The following HS3ST4 variants were observed in gnomAD, a reference collection of about 807,000 sequenced individuals.
The protein encoded by HS3ST4 is heparan sulfate-glucosamine 3-sulfotransferase 4.
In HS3ST4, 17 loss-of-function variants were observed where a neutral mutation model predicts 29.2. The observed-to-expected ratio is 0.58, with a 90% confidence interval of 0.40 to 0.87. The LOEUF (loss-of-function observed/expected upper bound fraction) is 0.87. Ranked by LOEUF, HS3ST4 falls within the 40% of genes least tolerant of loss-of-function variation. The pLI is 0.00. For synonymous variants in HS3ST4, 314 were observed against 285.7 expected, an observed-to-expected ratio of 1.10 and a Z score of -1.00; for missense variants, 627 against 634.5, an observed-to-expected ratio of 0.99 and a Z score of 0.13.
chr16:25,950,746 A>G (rs140574909), intron 1 of HS3ST4, among the ~76,000 whole-genome samples: 64 of 152,264 alleles, frequency 4.2e-4, no homozygotes, highest in African/African-American at 1.4e-3. Context: ...AGACTTGCAC[A>G]GCATGTTGCA....
chr16:25,764,857 T>A (rs1966807943), intron 1 of HS3ST4, among the ~76,000 whole-genome samples: 2 of 152,228 alleles, frequency 1.3e-5, no homozygotes, highest in African/African-American at 4.8e-5. Context: ...CAGAAAATAA[T>A]TCAGCTCAGT....
chr16:25,693,158 C>A lies in HS3ST4; in HGVS notation c.734+7C>A, dbSNP rs1224111437. ...AGGGGTTGGAGTGGTACAGGTAGGA[C>A]CCTGGGCTCCGCGGGCTGGTGGAGA... On this transcript the variant is annotated splice_region_variant and intron_variant, in intron 1 of 1. Transcript: ENST00000331351. The A allele has an allele frequency of 1.3e-5, 20 of 1,565,182 alleles. No homozygotes were observed. The highest frequency in any genetic ancestry group is 1.7e-5 in the Non-Finnish European group (20 of 1,157,150).
intron 1 of HS3ST4, among the ~76,000 whole-genome samples, chr16:26,119,219 C>T (rs1350759141): frequency 6.6e-6 from 1 of 152,174 alleles, no homozygotes; most frequent in African/African-American, 2.4e-5. Context: ...TCTCAGCTAG[C>T]ATGGGCTGTT....
intron 1 of HS3ST4, among the ~76,000 whole-genome samples, chr16:25,699,410 C>T (rs1194741115): frequency 1.3e-5 from 2 of 152,218 alleles, no homozygotes; most frequent in African/African-American, 4.8e-5. Context: ...TCTCAATTAA[C>T]GTTCTCTTGA....
intron 1 of HS3ST4, among the ~76,000 whole-genome samples, chr16:26,111,644 T>A (rs2141803612): frequency 6.6e-6 from 1 of 152,304 alleles, no homozygotes; most frequent in Admixed American, 6.5e-5. Context: ...GGGAATTCCT[T>A]TTATTATTTT....
intron 1 of HS3ST4, among the ~76,000 whole-genome samples, chr16:26,070,112 G>A (rs1254421542): frequency 6.6e-6 from 1 of 152,140 alleles, no homozygotes; most frequent in African/African-American, 2.4e-5. Context: ...TCTAGTTCTA[G>A]ATCCCTGAGG....
At chr16:25,951,554 C>T (rs1293491368) in intron 1 of HS3ST4, among the ~76,000 whole-genome samples, 2 of 152,128 alleles carry the variant, frequency 1.3e-5, no homozygotes, top group African/African-American at 4.8e-5. Flanking sequence ...AAAGAATGTC[C>T]AACCTACTTA....
At position 26,120,071 on chromosome 16, in the gene HS3ST4, ATG is replaced by A. The variant is rs59962417; in HGVS notation, c.735-15521_735-15520del. On this transcript the variant is annotated intron_variant, in intron 1 of 1. Transcript: ENST00000331351. ...GAAGGAAGTGTGTGTGTGTGTGTGT[ATG>A]TGTGTGTGTGTGTGTGTGTATATGT... 4.1e-3 allele frequency among the ~76,000 whole-genome samples: 550 copies of A among 135,182 alleles called. 3 individuals carry two copies. The highest frequency in any genetic ancestry group is 0.019 in the Middle Eastern group (5 of 262). The allele number at this position is 135,182 out of a possible 152,430, so 88.7% of individuals were successfully genotyped here. A position where few individuals can be genotyped will look rare whatever the true frequency, so the allele number is the denominator to read the frequency against.
chr16:25,884,247 C>T (rs1050067650), intron 1 of HS3ST4, among the ~76,000 whole-genome samples: 2 of 152,150 alleles, frequency 1.3e-5, no homozygotes, highest in Admixed American at 6.6e-5. Flanking sequence ...GAAGGAGTTC[C>T]GTGGCATGGC....
At chr16:26,103,603 A>G (rs1211090180) in intron 1 of HS3ST4, among the ~76,000 whole-genome samples, 1 of 152,156 alleles carries the variant, frequency 6.6e-6, no homozygotes, top group African/African-American at 2.4e-5. Flanking sequence ...TATTCCTTCA[A>G]AGGAACCTAT....
chr16:25,915,840 T>C (rs2141680454), intron 1 of HS3ST4, among the ~76,000 whole-genome samples: 1 of 152,330 alleles, frequency 6.6e-6, no homozygotes, highest in East Asian at 1.9e-4. Flanking sequence ...AGCTTCTGCA[T>C]TAAGATCAAC....
chr16:25,863,039 T>C (rs1429505506), intron 1 of HS3ST4, among the ~76,000 whole-genome samples: 2 of 152,238 alleles, frequency 1.3e-5, no homozygotes, highest in Non-Finnish European at 2.9e-5. Context: ...GGCATTTCAT[T>C]TGGCTATTTG....
chr16:26,102,469 T>C (rs1899001103), intron 1 of HS3ST4, among the ~76,000 whole-genome samples: 1 of 152,152 alleles, frequency 6.6e-6, no homozygotes, highest in Admixed American at 6.5e-5. Context: ...TCTTTCTTTC[T>C]CCCTTCGTGG....
intron 1 of HS3ST4, among the ~76,000 whole-genome samples, chr16:25,888,366 CTTT>C (rs1967975805): frequency 6.6e-6 from 1 of 152,226 alleles, no homozygotes; most frequent in African/African-American, 2.4e-5. Flanking sequence ...TTCTCCCTCT[CTTT>C]ATCTCTGCGT....
chr16:26,023,407 AT>A (rs144386022), intron 1 of HS3ST4, among the ~76,000 whole-genome samples: 15 of 149,672 alleles, frequency 1.0e-4, no homozygotes, highest in Middle Eastern at 3.4e-3. Flanking sequence ...ACTGTCTTAA[AT>A]TTTTTTTTTA....
At position 26,050,125 on chromosome 16, in the gene HS3ST4, T is replaced by A. The variant is rs535766327; in HGVS notation, c.735-85487T>A. On this transcript the variant is annotated intron_variant, in intron 1 of 1. Coordinates refer to ENST00000331351, the MANE Select transcript of HS3ST4 (RefSeq NM_006040.3). ...GGAGACTGGGAAGCGGGGCTGAAAG[T>A]TCAACCCTCTAATCTGCTTTGGTCT... Among the ~76,000 whole-genome samples the A allele has an allele frequency of 4.5e-4, 68 of 152,268 alleles. 1 individual carries two copies. Among genetic ancestry groups the A allele is most frequent in the Non-Finnish European group, 6.8e-4 (46 of 68,018 alleles).
chr16:26,064,429 C>T (rs1466247112), intron 1 of HS3ST4, among the ~76,000 whole-genome samples: 1 of 152,068 alleles, frequency 6.6e-6, no homozygotes, highest in African/African-American at 2.4e-5. Flanking sequence ...GAGCATCGTG[C>T]AGAAGCCACA....
chr16:25,737,052 C>CT (rs1166146782), intron 1 of HS3ST4, among the ~76,000 whole-genome samples: 1 of 151,212 alleles, frequency 6.6e-6, no homozygotes, highest in African/African-American at 2.4e-5. Context: ...TTTTTTTTAA[C>CT]TTTTATTTTA....
At chr16:25,711,006 A>G in intron 1 of HS3ST4, among the ~76,000 whole-genome samples, 1 of 150,130 alleles carries the variant, frequency 6.7e-6, no homozygotes, top group African/African-American at 2.4e-5. Context: ...ATTTTTGTGT[A>G]GTGATGGGGT....
Sources: allele counts gnomAD v4.1 joint callset (sites outside exome capture counted in the v4.1 genomes callset), GRCh38; gene constraint gnomAD v4.1.1; transcripts MANE v1.5; gene names NCBI Gene and HGNC (gene_info 2026-07-23, HGNC 2026-07-21).